Variants in ADGRL3 observed in about 807,000 individuals in gnomAD.
ADGRL3 encodes the protein calcium-independent alpha-latrotoxin receptor 3.
In ADGRL3, 62 loss-of-function variants were observed where a neutral mutation model predicts 153.5. That is an observed-to-expected ratio of 0.40 (90% CI 0.33 to 0.50). The LOEUF (loss-of-function observed/expected upper bound fraction) is 0.50, where lower values mean the gene tolerates loss of function less well. Ranked by LOEUF, ADGRL3 falls within the 20% of genes least tolerant of loss-of-function variation. The pLI, the probability that ADGRL3 is intolerant of heterozygous loss-of-function variation, is 0.47. For synonymous variants in ADGRL3, 710 were observed against 672.5 expected (o/e 1.06, Z -0.86); for missense variants, 1,641 against 1,859.4 (o/e 0.88, Z 2.16).
chr4:62,013,204 T>C (rs797011591), intron 21 of ADGRL3, among the ~76,000 whole-genome samples: 4 of 152,252 alleles, frequency 2.6e-5, no homozygotes, highest in African/African-American at 9.6e-5. Context: ...GGAAGTATGA[T>C]TGGCCTTCAG....
intron 12 of ADGRL3, 117 bp downstream of exon 12, chr4:61,909,862 A>C (rs572997178): frequency 1.5e-6 from 1 of 670,974 alleles, no homozygotes; most frequent in East Asian, 2.9e-5. Flanking sequence ...CTTCTACAGA[A>C]TATGATCATT....
intron 1 of ADGRL3, among the ~76,000 whole-genome samples, chr4:61,231,821 A>G (rs1164982035): frequency 6.6e-6 from 1 of 152,112 alleles, no homozygotes; most frequent in Non-Finnish European, 1.5e-5. Flanking sequence ...AAAGGTATCC[A>G]TGGTATCAGA....
At chr4:61,996,959 AC>A (rs1163913452) in intron 20 of ADGRL3, among the ~76,000 whole-genome samples, 1 of 151,868 alleles carries the variant, frequency 6.6e-6, no homozygotes, top group African/African-American at 2.4e-5. Flanking sequence ...TTGCTTATGT[AC>A]TTATAATTTT....
intron 2 of ADGRL3, among the ~76,000 whole-genome samples, chr4:61,473,454 G>C (rs1295675540): frequency 6.6e-6 from 1 of 152,028 alleles, no homozygotes; most frequent in Non-Finnish European, 1.5e-5. Context: ...ATAGTTAAGA[G>C]AAGTCTCTAG....
intron 2 of ADGRL3, among the ~76,000 whole-genome samples, chr4:61,449,165 C>T (rs2097643276): frequency 3.3e-5 from 5 of 151,720 alleles, no homozygotes; most frequent in Admixed American, 1.3e-4. Context: ...GAGACGGAGT[C>T]TCACTCTGTC....
At chr4:61,929,269 C>G (rs993168317) in intron 13 of ADGRL3, among the ~76,000 whole-genome samples, 1 of 152,066 alleles carries the variant, frequency 6.6e-6, no homozygotes, top group Non-Finnish European at 1.5e-5. Flanking sequence ...AGAGTGAAAC[C>G]TCACCAGACA....
At chr4:61,470,075 T>C (rs2097927890) in intron 2 of ADGRL3, among the ~76,000 whole-genome samples, 1 of 152,034 alleles carries the variant, frequency 6.6e-6, no homozygotes, top group South Asian at 2.1e-4. Flanking sequence ...TGTAACTTTT[T>C]AAAATTATCC....
intron 2 of ADGRL3, among the ~76,000 whole-genome samples, chr4:61,469,251 G>T (rs1246774455): frequency 6.6e-6 from 1 of 152,014 alleles, no homozygotes; most frequent in Non-Finnish European, 1.5e-5. Flanking sequence ...GTATTGTTAG[G>T]AAATTAATTG....
intron 8 of ADGRL3, among the ~76,000 whole-genome samples, chr4:61,743,111 A>G (rs540154225): frequency 5.3e-5 from 8 of 151,888 alleles, no homozygotes; most frequent in African/African-American, 1.7e-4. Context: ...ACAAGGTTAG[A>G]AGATCTAGAC....
intron 9 of ADGRL3, among the ~76,000 whole-genome samples, chr4:61,850,572 A>C (rs2098190169): frequency 6.6e-6 from 1 of 152,182 alleles, no homozygotes; most frequent in Non-Finnish European, 1.5e-5. Context: ...AGCTCAAGAC[A>C]ATGGAGGAAA....
At chr4:61,608,061 T>C (rs2099039460) in intron 5 of ADGRL3, among the ~76,000 whole-genome samples, 1 of 152,168 alleles carries the variant, frequency 6.6e-6, no homozygotes, top group Non-Finnish European at 1.5e-5. Flanking sequence ...AAGAACAGAA[T>C]AAATCCAAAG....
intron 1 of ADGRL3, among the ~76,000 whole-genome samples, chr4:61,263,639 G>A (rs986257873): frequency 6.6e-6 from 1 of 151,956 alleles, no homozygotes; most frequent in Non-Finnish European, 1.5e-5. Context: ...GCTGCTAGTC[G>A]TTTAATGAGA....
rs71211396 is a variant in ADGRL3, at chr4:61,605,089, C to CAAA, written c.473+17672_473+17674dup. 2.4e-3 allele frequency among the ~76,000 whole-genome samples: 146 copies of CAAA among 61,406 alleles called. 1 individual carries two copies. The highest frequency in any genetic ancestry group is 0.01 in the East Asian group (18 of 1,794). 40.3% of individuals were successfully genotyped at this position (61,406 alleles called of 152,430 possible). ...TAGGCGACAGAGTGAGACTCTGTCT[C>CAAA]AAAAAAAAAAAAAAAAAAAAAAAAA... On this transcript the variant is annotated intron_variant, in intron 5 of 26. Coordinates refer to ENST00000683033, the MANE Select transcript of ADGRL3 (RefSeq NM_001387552.1).
chr4:62,014,748 T>A (rs2099203627), intron 21 of ADGRL3, among the ~76,000 whole-genome samples: 1 of 152,188 alleles, frequency 6.6e-6, no homozygotes, highest in African/African-American at 2.4e-5. Flanking sequence ...TAAAATGCTC[T>A]ATCATTGAAG....
intron 9 of ADGRL3, among the ~76,000 whole-genome samples, chr4:61,823,902 A>C (rs1313741723): frequency 2.0e-5 from 3 of 152,096 alleles, no homozygotes; most frequent in African/African-American, 7.2e-5. Context: ...TCTACTAAAA[A>C]TACAAAAAAT....
At chr4:61,755,356 T>A (rs1006864733) in intron 8 of ADGRL3, among the ~76,000 whole-genome samples, 3 of 152,216 alleles carry the variant, frequency 2.0e-5, no homozygotes, top group Non-Finnish European at 2.9e-5. Context: ...GATTTGCATT[T>A]CTCTGATGGC....
At chr4:61,456,440 GATATATCTATATCTATATATAT>G (rs1560664960) in intron 2 of ADGRL3, among the ~76,000 whole-genome samples, 1 of 97,848 alleles carries the variant, frequency 1.0e-5, no homozygotes, top group Non-Finnish European at 2.0e-5. Flanking sequence ...TATATATATA[GATATATCTATATCTATATATAT>G]AGATATATCT....
At chr4:61,808,681 G>A (rs1176710910) in intron 8 of ADGRL3, among the ~76,000 whole-genome samples, 1 of 151,932 alleles carries the variant, frequency 6.6e-6, no homozygotes, top group Admixed American at 6.6e-5. Context: ...ATAATGCTAG[G>A]CATGTCCAAT....
At chr4:62,064,270 G>A (rs1173580407) in intron 25 of ADGRL3, among the ~76,000 whole-genome samples, 1 of 151,670 alleles carries the variant, frequency 6.6e-6, no homozygotes, top group Non-Finnish European at 1.5e-5. Flanking sequence ...TAAAAACAAG[G>A]CTTTTGAGTA....
Sources: allele counts gnomAD v4.1 joint callset (sites outside exome capture counted in the v4.1 genomes callset), GRCh38; gene constraint gnomAD v4.1.1; transcripts MANE v1.5; gene names NCBI Gene and HGNC (gene_info 2026-07-23, HGNC 2026-07-21).